ALMS1: variants seen among roughly 807,000 people sequenced by gnomAD.
ALMS1 encodes the protein ALMS1 centrosome and basal body associated protein.
A neutral mutation model predicts 352.2 loss-of-function variants in ALMS1; 271 were observed. That is an observed-to-expected ratio of 0.77 (90% CI 0.70 to 0.85). The LOEUF (loss-of-function observed/expected upper bound fraction) is 0.85, where lower values mean the gene tolerates loss of function less well. Among genes scored for constraint, ALMS1 ranks in the 40% least tolerant of loss-of-function variants. The pLI is 0.00. For synonymous variants in ALMS1, 1,865 were observed against 1,761.2 expected, an observed-to-expected ratio of 1.06 and a Z score of -1.48; for missense variants, 5,445 against 4,870.7, an observed-to-expected ratio of 1.12 and a Z score of -3.51.
At chr2:73,545,181 GTTTTTTTT>G (rs199515863) in intron 12 of ALMS1, among the ~76,000 whole-genome samples, 2 of 139,894 alleles carry the variant, frequency 1.4e-5, no homozygotes, top group Non-Finnish European at 3.1e-5. Context: ...ATTTTTTGTG[GTTTTTTTT>G]TTTTTTTTTG....
Position 73,453,320 on chromosome 2 carries a change from CT to C in ALMS1, c.6797del (p.Leu2266Ter). Reference sequence around the variant, plus strand: ...TAAAACTCTTAAGGAAATTCGGACACTTTTGATGGAGGCAGAAAATATGGCA... The same window carrying C: ...TAAAACTCTTAAGGAAATTCGGACACTTTGATGGAGGCAGAAAATATGGCA... ...SAKTLKEIRT[L>X]LMEAENMALK... is the part of the protein sequence containing the mutation. On this transcript the variant is annotated frameshift_variant, in exon 8 of 23. Coordinates refer to ENST00000613296, the MANE Select transcript of ALMS1 (RefSeq NM_001378454.1). LOFTEE classifies it high-confidence loss of function. 6.2e-7 allele frequency: 1 copy of C among 1,613,898 alleles called. No individual in the cohort carries two copies. Among genetic ancestry groups the C allele is most frequent in the South Asian group, 1.1e-5 (1 of 91,062 alleles).
chr2:73,418,446 C>G (rs1034995388), intron 2 of ALMS1, among the ~76,000 whole-genome samples: 3 of 152,162 alleles, frequency 2.0e-5, no homozygotes, highest in Admixed American at 6.5e-5. Flanking sequence ...TCGGCCCAGC[C>G]CTTGCGTGCA....
At chr2:73,386,316 T>C in intron 1 of ALMS1, 124 bp downstream of exon 1, 1 of 1,332,998 alleles carries the variant, frequency 7.5e-7, no homozygotes, top group Middle Eastern at 2.7e-4. Context: ...CTGAGGCTAG[T>C]AGGCGGCCCA....
Position 73,608,481 on chromosome 2 carries a change from TG to T in ALMS1, c.12370del (p.Glu4124SerfsTer33). 1 of 1,613,558 alleles carries T rather than the reference TG, an allele frequency of 6.2e-7. No individual in the cohort carries two copies. Among genetic ancestry groups the T allele is most frequent in the Non-Finnish European group, 8.5e-7 (1 of 1,179,630 alleles). ...EMIQRSKRIY[E>X]QLPEVQKKRE... ...CACTGGTGCCATTTCTAAGGATTTA[TG>T]AGCAGCTTCCAGAAGTACAGAAAAA... On this transcript the variant is annotated frameshift_variant, in exon 22 of 23. Coordinates refer to ENST00000613296, the MANE Select transcript of ALMS1 (RefSeq NM_001378454.1). LOFTEE classifies it high-confidence loss of function.
At chr2:73,531,647 C>T (rs1447010578) in intron 11 of ALMS1, among the ~76,000 whole-genome samples, 1 of 152,234 alleles carries the variant, frequency 6.6e-6, no homozygotes, top group African/African-American at 2.4e-5. Context: ...TGCCCCACTT[C>T]TGGCACCAAT....
At chr2:73,481,521 G>T (rs1267184302) in intron 9 of ALMS1, among the ~76,000 whole-genome samples, 1 of 152,072 alleles carries the variant, frequency 6.6e-6, no homozygotes, top group Non-Finnish European at 1.5e-5. Flanking sequence ...GATGCCTCCA[G>T]GTTTGTTCTT....
intron 15 of ALMS1, among the ~76,000 whole-genome samples, chr2:73,570,080 T>C (rs1674886702): frequency 6.6e-6 from 1 of 152,190 alleles, no homozygotes; most frequent in African/African-American, 2.4e-5. Context: ...GAAGGATTAA[T>C]GACAGGAACA....
At chr2:73,475,624 G>T (rs1451689626) in intron 9 of ALMS1, among the ~76,000 whole-genome samples, 2 of 151,936 alleles carry the variant, frequency 1.3e-5, no homozygotes, top group Non-Finnish European at 2.9e-5. Flanking sequence ...TAGACCTTTA[G>T]CAGATTTATG....
chr2:73,482,942 A>T (rs1339205319), intron 9 of ALMS1, among the ~76,000 whole-genome samples: 4 of 152,236 alleles, frequency 2.6e-5, no homozygotes, highest in South Asian at 2.1e-4. Context: ...TATCATTTTT[A>T]ATTGTGTCTA....
At chr2:73,395,076 ATATT>A (rs1186217407) in intron 1 of ALMS1, among the ~76,000 whole-genome samples, 7 of 108,264 alleles carry the variant, frequency 6.5e-5, no homozygotes, top group South Asian at 5.2e-4. Context: ...ATATATATAT[ATATT>A]TTTTTTTTTT....
intron 22 of ALMS1, among the ~76,000 whole-genome samples, chr2:73,608,826 C>T (rs1370463789): frequency 6.6e-6 from 1 of 152,208 alleles, no homozygotes; most frequent in Non-Finnish European, 1.5e-5. Context: ...CCAAATTTCA[C>T]ACACAGGAGT....
At chr2:73,553,795 T>A (rs571435838) in intron 13 of ALMS1, among the ~76,000 whole-genome samples, 2 of 152,222 alleles carry the variant, frequency 1.3e-5, no homozygotes, top group African/African-American at 4.8e-5. Flanking sequence ...TATATATGGG[T>A]AGGAGGGTTT....
chr2:73,603,736 T>A, intron 21 of ALMS1: 1 of 235,502 alleles, frequency 4.2e-6, no homozygotes, highest in South Asian at 5.7e-5. Flanking sequence ...GGCACACGCC[T>A]GTAATCCCAG....
In ALMS1 at chr2:73,557,275, G is replaced by A; in HGVS notation, c.10134G>A (p.Gln3378=). ...ATGAGAACCTCTCAGACAAAAAACAGCAAGAGATTCACAGTACAAGGGCAG... is the reference window on the plus strand; with the variant it reads ...ATGAGAACCTCTCAGACAAAAAACAACAAGAGATTCACAGTACAAGGGCAG... ...TGDENLSDKK[Q]QEIHSTRAVT... Residue 3378 remains glutamine (Q), a synonymous_variant, in exon 14 of 23, where the codon CAG becomes CAA. Transcript: ENST00000613296. The A allele has an allele frequency of 6.2e-7, 1 of 1,614,108 alleles. No individual in the cohort carries two copies. Among genetic ancestry groups the A allele is most frequent in the Non-Finnish European group, 8.5e-7 (1 of 1,180,006 alleles).
intron 3 of ALMS1, 51 bp downstream of exon 3, chr2:73,419,369 T>G (rs1671243410): frequency 1.3e-6 from 2 of 1,559,036 alleles, no homozygotes; most frequent in African/African-American, 1.4e-5. Context: ...TTGTAAGTTT[T>G]GCGGGGACTG....
chr2:73,560,013 A>G (rs1674624038), intron 15 of ALMS1, among the ~76,000 whole-genome samples: 1 of 152,214 alleles, frequency 6.6e-6, no homozygotes, highest in African/African-American at 2.4e-5. Context: ...ACAGACAACA[A>G]AAGCAAAAAT....
At chr2:73,397,588 C>T (rs1030904921) in intron 1 of ALMS1, among the ~76,000 whole-genome samples, 7 of 152,126 alleles carry the variant, frequency 4.6e-5, no homozygotes, top group African/African-American at 1.7e-4. Flanking sequence ...CTGCCTCAGC[C>T]TCCTGAGTAG....
rs1323793337 is a variant in ALMS1, at chr2:73,424,588, C to G, written c.923C>G (p.Ser308Cys). The G allele has an allele frequency of 6.2e-7, 1 of 1,613,972 alleles. No homozygotes were observed. Among genetic ancestry groups the G allele is most frequent in the East Asian group, 2.2e-5 (1 of 44,854 alleles). Residue 308 changes from serine (S) to cysteine (C), a missense_variant, in exon 5 of 23, where the codon TCT becomes TGT. By Grantham distance (112) the Ser-to-Cys change is moderately radical. Transcript: ENST00000613296. The part of the protein sequence containing the change: ...HPLIGSTAVG[S>C]QCPFLPSEQG... The stretch of plus-strand genomic sequence containing the variant: ...CTTATAGGCAGCACAGCTGTTGGGT[C>G]TCAGTGCCCTTTTTTACCTTCTGAA...
At chr2:73,583,900 C>G (rs967650191) in intron 16 of ALMS1, among the ~76,000 whole-genome samples, 1 of 152,150 alleles carries the variant, frequency 6.6e-6, no homozygotes, top group African/African-American at 2.4e-5. Flanking sequence ...AATATGTTTT[C>G]AAATCAGGAA....
Sources: allele counts gnomAD v4.1 joint callset (sites outside exome capture counted in the v4.1 genomes callset), GRCh38; gene constraint gnomAD v4.1.1; transcripts MANE v1.5; gene names NCBI Gene and HGNC (gene_info 2026-07-23, HGNC 2026-07-21).